MYO10: variants seen among roughly 807,000 people sequenced by gnomAD.
MYO10 encodes the protein myosin X.
Under a neutral mutation model 257.3 loss-of-function variants are expected in MYO10, and 133 were observed. The ratio of observed to expected loss-of-function variants is 0.52; its 90% CI spans 0.45 to 0.60. MYO10 has a LOEUF of 0.60. MYO10 is among the 20% of genes least tolerant of loss of function. The pLI is 0.00. For missense variants in MYO10, 2,399 were observed against 2,635.7 expected (o/e 0.91, Z 1.97); for synonymous variants, 1,104 against 1,028.6 (o/e 1.07, Z -1.40).
At chr5:16,831,662 G>A (rs1580051572) in intron 2 of MYO10, among the ~76,000 whole-genome samples, 1 of 152,152 alleles carries the variant, frequency 6.6e-6, no homozygotes, top group East Asian at 1.9e-4. Flanking sequence ...ATATGTGGGA[G>A]CAAAGCTATG....
intron 4 of MYO10, among the ~76,000 whole-genome samples, chr5:16,788,521 A>T (rs1229519245): frequency 6.6e-5 from 10 of 152,090 alleles, no homozygotes; most frequent in Non-Finnish European, 1.5e-4. Context: ...GAGGCACAAG[A>T]GGAGGGACAA....
At chr5:16,751,438 GAC>G (rs1338587324) in intron 19 of MYO10, among the ~76,000 whole-genome samples, 6 of 152,022 alleles carry the variant, frequency 3.9e-5, no homozygotes, top group African/African-American at 1.2e-4. Flanking sequence ...TTAGGCCTCA[GAC>G]AAGTCAGCTC....
intron 18 of MYO10, among the ~76,000 whole-genome samples, chr5:16,756,601 T>C (rs1740535446): frequency 6.6e-6 from 1 of 152,186 alleles, no homozygotes; most frequent in Admixed American, 6.5e-5. Context: ...CATCCTGACA[T>C]TCACGGCCCT....
At chr5:16,903,861 C>T (rs1745450717) in intron 1 of MYO10, among the ~76,000 whole-genome samples, 1 of 152,156 alleles carries the variant, frequency 6.6e-6, no homozygotes, top group Non-Finnish European at 1.5e-5. Flanking sequence ...TGAGGACCTG[C>T]GTTCCATGAG....
intron 1 of MYO10, among the ~76,000 whole-genome samples, chr5:16,881,765 G>A (rs1036029380): frequency 3.9e-5 from 6 of 152,092 alleles, no homozygotes; most frequent in Admixed American, 3.9e-4. Context: ...GCCCAGGTCC[G>A]AAAGAGGCCA....
In MYO10 at chr5:16,764,712, G is replaced by A. The variant is rs142853543; in HGVS notation, c.1180-316C>T. Among the ~76,000 whole-genome samples the A allele has an allele frequency of 2.6e-3, 397 of 151,936 alleles. 2 individuals are homozygous for A. Among genetic ancestry groups the A allele is most frequent in the East Asian group, 0.025 (131 of 5,164 alleles). ...TTTTTGTTTTTTGTTTTTTTGAGAC[G>A]GAGTCTAGCTCTGTCACCCAGGCTG... is the stretch of plus-strand genomic sequence containing the variant. On this transcript the variant is annotated intron_variant, in intron 11 of 40. Coordinates refer to ENST00000513610, the MANE Select transcript of MYO10 (RefSeq NM_012334.3).
intron 19 of MYO10, among the ~76,000 whole-genome samples, chr5:16,711,685 G>A (rs1023337753): frequency 2.6e-5 from 4 of 152,274 alleles, no homozygotes; most frequent in Admixed American, 2.6e-4. Context: ...GGGAGGCTGA[G>A]GCAGGAGAAT....
At chr5:16,796,329 GGAAA>G (rs1741953830) in intron 3 of MYO10, among the ~76,000 whole-genome samples, 1 of 131,928 alleles carries the variant, frequency 7.6e-6, no homozygotes, top group African/African-American at 2.7e-5. Flanking sequence ...GAGGAAGAAA[GGAAA>G]GAAAGGGAAA....
At position 16,926,126 on chromosome 5, in the gene MYO10, A is replaced by G. The variant is rs189780685; in HGVS notation, c.21+9662T>C. Among the ~76,000 whole-genome samples the G allele has an allele frequency of 2.5e-3, 387 of 152,364 alleles. 1 individual carries two copies. Among genetic ancestry groups the G allele is most frequent in the South Asian group, 4.3e-3 (21 of 4,828 alleles). On this transcript the variant is annotated intron_variant, in intron 1 of 40. Coordinates refer to ENST00000513610, the MANE Select transcript of MYO10 (RefSeq NM_012334.3). ...TTATATGAAAGCATCAAATGATCAC[A>G]TGTACCTGGAAAACGTAAATCTAAT...
intron 19 of MYO10, among the ~76,000 whole-genome samples, chr5:16,711,654 C>CAT (rs1392978495): frequency 2.0e-5 from 3 of 152,016 alleles, no homozygotes; most frequent in Non-Finnish European, 4.4e-5. Flanking sequence ...TGGTGGCACG[C>CAT]GCCTGTAGTC....
intron 1 of MYO10, chr5:16,902,531 C>A (rs1208374882): frequency 3.2e-6 from 5 of 1,581,014 alleles, no homozygotes; most frequent in Non-Finnish European, 4.3e-6. Context: ...TGACGAATTT[C>A]TTGATGGCCT....
At chr5:16,762,435 G>T (rs534884929) in intron 15 of MYO10, 110 bp downstream of exon 15, 2 of 861,244 alleles carry the variant, frequency 2.3e-6, no homozygotes, top group South Asian at 1.8e-5. Flanking sequence ...GAGAATAAAT[G>T]TTCAATGTGG....
intron 28 of MYO10, among the ~76,000 whole-genome samples, chr5:16,688,639 C>G (rs1737354755): frequency 6.6e-6 from 1 of 151,592 alleles, no homozygotes; most frequent in Admixed American, 6.6e-5. Context: ...ACTTGGGAGG[C>G]TGAGGCAGGA....
In MYO10 at chr5:16,681,999, A is replaced by G; in HGVS notation, c.4061T>C (p.Val1354Ala). Residue 1354 changes from valine (V) to alanine (A), a missense_variant, in exon 31 of 41, where the codon GTG becomes GCG. Transcript: ENST00000513610. Reference sequence around the variant, plus strand: ...CAGCACCCGGTTGGCCGTGATGATCACAAACGAGTTGGGTCTGAGCCACAA... The same window carrying G: ...CAGCACCCGGTTGGCCGTGATGATCGCAAACGAGTTGGGTCTGAGCCACAA... ...SDSPDRPNSF[V>A]IITANRVLHC... 6.2e-7 allele frequency: 1 copy of G among 1,613,504 alleles called. No homozygotes were observed. The highest frequency in any genetic ancestry group is 8.5e-7 in the Non-Finnish European group (1 of 1,179,860).
At chr5:16,724,307 A>G (rs1445145803) in intron 19 of MYO10, among the ~76,000 whole-genome samples, 2 of 152,192 alleles carry the variant, frequency 1.3e-5, no homozygotes, top group Non-Finnish European at 2.9e-5. Flanking sequence ...GTACATGTAC[A>G]CTGGAATTAA....
At chr5:16,682,565 C>T (rs1003585576) in intron 30 of MYO10, among the ~76,000 whole-genome samples, 2 of 152,172 alleles carry the variant, frequency 1.3e-5, no homozygotes, top group African/African-American at 4.8e-5. Context: ...TACTTTCTCC[C>T]TCACCTCTTT....
chr5:16,737,558 A>G (rs73755168), intron 19 of MYO10, among the ~76,000 whole-genome samples: 1,839 of 152,372 alleles, frequency 0.012, 44 homozygotes, highest in African/African-American at 0.043. Flanking sequence ...TAAAACACAC[A>G]GTTAAAAGCA....
At chr5:16,891,170 T>C (rs976147560) in intron 1 of MYO10, among the ~76,000 whole-genome samples, 7 of 151,600 alleles carry the variant, frequency 4.6e-5, no homozygotes, top group African/African-American at 1.7e-4. Context: ...GTGCCTGTAA[T>C]CCCAGCTACT....
intron 3 of MYO10, among the ~76,000 whole-genome samples, chr5:16,811,327 A>G (rs1742433240): frequency 4.6e-5 from 7 of 152,184 alleles, no homozygotes; most frequent in Admixed American, 4.6e-4. Context: ...TAGATATTAC[A>G]AAATGTCCCC....
Sources: gnomAD v4.1 joint callset for allele counts (sites outside exome capture counted in the v4.1 genomes callset) on GRCh38, gnomAD v4.1.1 for gene constraint, MANE v1.5 for transcripts, NCBI Gene and HGNC (gene_info 2026-07-23, HGNC 2026-07-21) for gene names.